The following DTX4 variants were observed in gnomAD, a reference collection of about 807,000 sequenced individuals.
The protein encoded by DTX4 is E3 ubiquitin-protein ligase DTX4.
Under a neutral mutation model 57.6 loss-of-function variants are expected in DTX4, and 28 were observed. That is an observed-to-expected ratio of 0.49 (90% CI 0.36 to 0.67). The LOEUF is 0.67. Among genes scored for constraint, DTX4 ranks in the 30% least tolerant of loss-of-function variants. The pLI is 0.00. For synonymous variants in DTX4, 316 were observed against 331.0 expected, an observed-to-expected ratio of 0.95 and a Z score of 0.49; for missense variants, 715 against 836.8, an observed-to-expected ratio of 0.85 and a Z score of 1.80.
chr11:59,204,955 C>A lies in DTX4; in HGVS notation c.*46C>A. 1 of 1,502,938 alleles carries A rather than the reference C, an allele frequency of 6.7e-7. No individual in the cohort carries two copies. The highest frequency in any genetic ancestry group is 9.1e-7 in the Non-Finnish European group (1 of 1,103,610). 93.1% of individuals were successfully genotyped at this position (1,502,938 alleles called of 1,614,324 possible). On this transcript the variant is annotated 3_prime_UTR_variant, in exon 9 of 9. Coordinates refer to ENST00000227451, the MANE Select transcript of DTX4 (RefSeq NM_015177.2). ...GGGAGGGGCCATGGAGACTGCAGGACAGGAAGTGAGGAGAGTGAGTCAATG... is the reference window on the plus strand; with the variant it reads ...GGGAGGGGCCATGGAGACTGCAGGAAAGGAAGTGAGGAGAGTGAGTCAATG...
At chr11:59,199,865 T>G (rs1862720535) in intron 8 of DTX4, 92 bp downstream of exon 8, 1 of 1,034,714 alleles carries the variant, frequency 9.7e-7, no homozygotes, top group African/African-American at 1.6e-5. Context: ...CTTCTTACAA[T>G]GCACAGACCA....
intron 2 of DTX4, among the ~76,000 whole-genome samples, chr11:59,184,127 C>T (rs1862498751): frequency 6.6e-6 from 1 of 152,206 alleles, no homozygotes. Flanking sequence ...TATTTGGGAG[C>T]AGAGAATGGA....
Position 59,172,488 on chromosome 11 carries a change from A to T in DTX4, c.-108A>T. On this transcript the variant is annotated 5_prime_UTR_variant, in exon 1 of 9. Transcript: ENST00000227451. ...TGCCCGGGGCGGCGGGGCGCGGGGC[A>T]GGGGGCGCGGTCGAGGCCCGGAGGC... is the stretch of plus-strand genomic sequence containing the variant. 1 of 511,108 alleles carries T rather than the reference A, an allele frequency of 2.0e-6. No individual in the cohort carries two copies. The highest frequency in any genetic ancestry group is 2.7e-6 in the Non-Finnish European group (1 of 367,666). 31.7% of individuals were successfully genotyped at this position (511,108 alleles called of 1,614,324 possible). A position where few individuals can be genotyped will look rare whatever the true frequency, so the allele number is the denominator to read the frequency against.
chr11:59,195,478 G>T lies in DTX4; in HGVS notation c.1536+109G>T, dbSNP rs977120379. The stretch of plus-strand genomic sequence containing the variant: ...AAGAGTCTCCTTCCCACACTTTTCC[G>T]CCATCTACCCAGCCTTGCCCGCTGA... On this transcript the variant is annotated intron_variant, in intron 7 of 8. Coordinates refer to ENST00000227451, the MANE Select transcript of DTX4 (RefSeq NM_015177.2). 6 of 1,295,324 alleles carry T rather than the reference G, an allele frequency of 4.6e-6. No homozygotes were observed. In the African/African-American group the frequency reaches 7.5e-5, roughly 16 times the overall value. 80.2% of individuals were successfully genotyped at this position (1,295,324 alleles called of 1,614,324 possible). A position where few individuals can be genotyped will look rare whatever the true frequency, so the allele number is the denominator to read the frequency against.
chr11:59,202,598 T>A (rs1441699017), intron 8 of DTX4, among the ~76,000 whole-genome samples: 1 of 152,192 alleles, frequency 6.6e-6, no homozygotes, highest in African/African-American at 2.4e-5. Context: ...CCATGAATTC[T>A]AGACTGATTC....
intron 8 of DTX4, among the ~76,000 whole-genome samples, chr11:59,201,408 T>C (rs1467877948): frequency 1.3e-5 from 2 of 152,174 alleles, no homozygotes; most frequent in Admixed American, 1.3e-4. Flanking sequence ...CTGTGGCCCA[T>C]GCCCTTCCCA....
chr11:59,181,969 C>T lies in DTX4; in HGVS notation c.442C>T (p.Gln148Ter). The change falls in exon 2 of 9, where the codon CAG becomes TAG. Residue 148 changes from glutamine to a stop codon, truncating the protein, a stop_gained. Transcript: ENST00000227451. LOFTEE classifies it high-confidence loss of function. ...NTMGQINRQT[Q>*]RQRRVRRRLD... ...CATGGGCCAGATCAACCGTCAGACCCAGCGCCAACGCCGCGTCCGCCGGCG... is the reference window on the plus strand; with the variant it reads ...CATGGGCCAGATCAACCGTCAGACCTAGCGCCAACGCCGCGTCCGCCGGCG... 1.2e-6 allele frequency: 2 copies of T among 1,613,996 alleles called. No individual in the cohort carries two copies. Among genetic ancestry groups the T allele is most frequent in the Non-Finnish European group, 1.7e-6 (2 of 1,179,884 alleles).
intron 2 of DTX4, among the ~76,000 whole-genome samples, chr11:59,187,041 G>C (rs1001264239): frequency 1.3e-5 from 2 of 152,230 alleles, no homozygotes; most frequent in African/African-American, 4.8e-5. Flanking sequence ...AAGTAGGTTA[G>C]AGCTGGGGAA....
chr11:59,178,684 G>T (rs996862411), intron 1 of DTX4, among the ~76,000 whole-genome samples: 1 of 152,326 alleles, frequency 6.6e-6, no homozygotes, highest in South Asian at 2.1e-4. Context: ...AAACATTGGT[G>T]CACATCAGCA....
chr11:59,182,602 G>T, intron 2 of DTX4, 140 bp downstream of exon 2: 2 of 1,181,660 alleles, frequency 1.7e-6, no homozygotes, highest in Non-Finnish European at 1.1e-6. Context: ...TGAAGGTGGT[G>T]CACCTGGCTG....
intron 8 of DTX4, among the ~76,000 whole-genome samples, chr11:59,201,219 G>A (rs1306455179): frequency 1.3e-5 from 2 of 152,184 alleles, no homozygotes; most frequent in African/African-American, 4.8e-5. Flanking sequence ...TCATCCATTA[G>A]GGTTCTGCTG....
intron 1 of DTX4, among the ~76,000 whole-genome samples, chr11:59,174,686 C>A (rs1049012902): frequency 6.6e-6 from 1 of 152,100 alleles, no homozygotes; most frequent in Non-Finnish European, 1.5e-5. Context: ...ACCCTTTCTA[C>A]AGAAGCGAAG....
chr11:59,192,072 C>T, intron 5 of DTX4, 26 bp from the exon 6 acceptor site: 1 of 1,602,846 alleles, frequency 6.2e-7, no homozygotes, highest in Non-Finnish European at 8.5e-7. Flanking sequence ...CTGACAGCCT[C>T]TCTGCTGTGT....
Position 59,182,238 on chromosome 11 carries a change from C to G in DTX4, c.711C>G (p.Ala237=). The G allele has an allele frequency of 6.2e-7, 1 of 1,608,486 alleles. No individual in the cohort carries two copies. The highest frequency in any genetic ancestry group is 2.2e-5 in the East Asian group (1 of 44,598). The change falls in exon 2 of 9, where the codon GCC becomes GCG. Residue 237 remains alanine, a synonymous_variant. Coordinates refer to ENST00000227451, the MANE Select transcript of DTX4 (RefSeq NM_015177.2). The part of the protein sequence containing the change: ...VKLPPLPGSG[A]KPLDSTGTIR... Reference sequence around the variant, plus strand: ...TACCCCCACTGCCAGGCTCTGGGGCCAAGCCACTGGACAGCACAGGCACCA... The same window carrying G: ...TACCCCCACTGCCAGGCTCTGGGGCGAAGCCACTGGACAGCACAGGCACCA...
intron 4 of DTX4, among the ~76,000 whole-genome samples, chr11:59,190,461 T>C (rs665250): frequency 8.6e-4 from 131 of 152,274 alleles, no homozygotes; most frequent in Non-Finnish European, 1.1e-3. Context: ...ACTGATCATT[T>C]TTCAGGTTAT....
chr11:59,182,043 G>C lies in DTX4; in HGVS notation c.516G>C (p.Gln172His). The C allele has an allele frequency of 6.2e-7, 1 of 1,613,078 alleles. No individual in the cohort carries two copies. Among genetic ancestry groups the C allele is most frequent in the South Asian group, 1.1e-5 (1 of 90,978 alleles). Reference sequence around the variant, plus strand: ...TCACAGGGACCTTGCCTAAGGCTCAGTCCTGGCCAGTCAGCCCTGGGCCAG... The same window carrying C: ...TCACAGGGACCTTGCCTAAGGCTCACTCCTGGCCAGTCAGCCCTGGGCCAG... Reference protein sequence around the residue: ...PMVTGTLPKAQSWPVSPGPAT... With the variant: ...PMVTGTLPKAHSWPVSPGPAT... Residue 172 changes from glutamine (Q) to histidine (H), a missense_variant, in exon 2 of 9, where the codon CAG becomes CAC. Gln to His is a conservative substitution (Grantham distance 24). Transcript: ENST00000227451.
At chr11:59,196,267 A>G (rs1257126867) in intron 7 of DTX4, among the ~76,000 whole-genome samples, 2 of 152,214 alleles carry the variant, frequency 1.3e-5, no homozygotes, top group Admixed American at 1.3e-4. Flanking sequence ...TGAAGCCCCT[A>G]TTCTAGTGGG....
chr11:59,187,033 G>A (rs915174876), intron 2 of DTX4, among the ~76,000 whole-genome samples: 1 of 152,230 alleles, frequency 6.6e-6, no homozygotes, highest in African/African-American at 2.4e-5. Context: ...CAGGCTCAAA[G>A]TAGGTTAGAG....
At chr11:59,194,988 C>A in intron 6 of DTX4, 1 of 585,592 alleles carries the variant, frequency 1.7e-6, no homozygotes, top group East Asian at 2.9e-5. Context: ...TATCCCTCAG[C>A]ATGGAGCATG....
Sources: gnomAD v4.1 joint callset for allele counts (sites outside exome capture counted in the v4.1 genomes callset) on GRCh38, gnomAD v4.1.1 for gene constraint, MANE v1.5 for transcripts, NCBI Gene and HGNC (gene_info 2026-07-23, HGNC 2026-07-21) for gene names.